Variants in RBFOX1 observed in about 807,000 individuals in gnomAD.
The protein encoded by RBFOX1 is RNA binding protein fox-1 homolog 1.
RBFOX1 carries 8 observed loss-of-function variants against 57.7 expected under a neutral mutation model. The ratio of observed to expected loss-of-function variants is 0.14; its 90% CI spans 0.08 to 0.25. The LOEUF (loss-of-function observed/expected upper bound fraction) is 0.25. Among genes scored for constraint, RBFOX1 ranks in the 10% least tolerant of loss-of-function variants. The probability of loss-of-function intolerance (pLI) is 1.00; values close to 1 mark genes in which losing one functional copy is unlikely to be tolerated. For synonymous variants in RBFOX1, 326 were observed against 222.4 expected (o/e 1.47, Z -4.15); for missense variants, 611 against 548.5 (o/e 1.11, Z -1.14).
At chr16:6,864,200 C>A (rs1169248386) in intron 3 of RBFOX1, among the ~76,000 whole-genome samples, 3 of 152,104 alleles carry the variant, frequency 2.0e-5, no homozygotes, top group African/African-American at 7.2e-5. Context: ...AAATAATTCA[C>A]TTTTTTCTTC....
At chr16:6,601,510 G>A (rs1264691253) in intron 2 of RBFOX1, among the ~76,000 whole-genome samples, 2 of 152,124 alleles carry the variant, frequency 1.3e-5, no homozygotes, top group South Asian at 2.1e-4. Flanking sequence ...ACCAGCGTAA[G>A]GATCCTGGAC....
intron 3 of RBFOX1, among the ~76,000 whole-genome samples, chr16:5,806,264 T>G (rs1385756000): frequency 6.6e-6 from 1 of 152,200 alleles, no homozygotes; most frequent in Non-Finnish European, 1.5e-5. Context: ...TGACAATTTA[T>G]TTTCTCACAG....
Position 6,073,342 on chromosome 16 carries a change from C to A in RBFOX1, c.-127+53350C>A, listed in dbSNP as rs544857463. 7.2e-5 allele frequency among the ~76,000 whole-genome samples: 11 copies of A among 152,256 alleles called. No homozygotes were observed. In the South Asian group the frequency reaches 1.9e-3, roughly 26 times the overall value. On this transcript the variant is annotated intron_variant, in intron 1 of 15. Coordinates refer to ENST00000550418, the MANE Select transcript of RBFOX1 (RefSeq NM_018723.4). ...ATTTTTGCACCAACCTAATAAAATT[C>A]TCTCTTGTATCTGGGATGGGTCATG...
chr16:5,901,915 G>A (rs1253912147), intron 4 of RBFOX1, among the ~76,000 whole-genome samples: 1 of 152,084 alleles, frequency 6.6e-6, no homozygotes, highest in Non-Finnish European at 1.5e-5. Context: ...CCTTTTGGAA[G>A]CCTTCTTTGG....
intron 4 of RBFOX1, among the ~76,000 whole-genome samples, chr16:7,446,853 C>T (rs142249373): frequency 1.1e-4 from 14 of 130,692 alleles, no homozygotes; most frequent in Admixed American, 8.7e-4. Context: ...CACTCTGTCA[C>T]CCAGGCTGCA....
chr16:5,450,236 C>G (rs1459724178), intron 1 of RBFOX1, among the ~76,000 whole-genome samples: 1 of 152,202 alleles, frequency 6.6e-6, no homozygotes, highest in African/African-American at 2.4e-5. Context: ...CCTCCTGACA[C>G]ATTCCACCTT....
intron 3 of RBFOX1, among the ~76,000 whole-genome samples, chr16:5,607,888 G>C (rs1422154090): frequency 6.6e-6 from 1 of 152,184 alleles, no homozygotes; most frequent in Non-Finnish European, 1.5e-5. Flanking sequence ...TGGCTGGACA[G>C]GATTTCATTG....
At chr16:7,128,001 A>G (rs112889560) in intron 4 of RBFOX1, among the ~76,000 whole-genome samples, 3 of 152,276 alleles carry the variant, frequency 2.0e-5, no homozygotes, top group African/African-American at 4.8e-5. Flanking sequence ...ACGGTTTGAA[A>G]TCTGGTTCTT....
rs181434876 is a variant in RBFOX1, at chr16:6,959,853, C to G, written c.-15-92204C>G. ...TCGGGAGGCTGAGGCAGGAGAATCG[C>G]TTGAACCTAGGAGGCGGACATGTAG... On this transcript the variant is annotated intron_variant, in intron 3 of 15. Transcript: ENST00000550418. Among the ~76,000 whole-genome samples, 9 of 152,232 alleles carry G rather than the reference C, an allele frequency of 5.9e-5. No individual in the cohort carries two copies. In the East Asian group the frequency reaches 1.7e-3, roughly 29 times the overall value.
chr16:5,746,078 C>T (rs143340377), intron 3 of RBFOX1, among the ~76,000 whole-genome samples: 21 of 152,306 alleles, frequency 1.4e-4, no homozygotes, highest in African/African-American at 4.8e-4. Flanking sequence ...TTAGGTCTAA[C>T]ATTTAAGTCT....
chr16:6,938,148 G>A (rs182066013), intron 3 of RBFOX1, among the ~76,000 whole-genome samples: 1 of 152,078 alleles, frequency 6.6e-6, no homozygotes, highest in African/African-American at 2.4e-5. Context: ...AACTATTCAA[G>A]TTCATTGTTT....
At chr16:7,323,568 G>A (rs1568209525) in intron 4 of RBFOX1, among the ~76,000 whole-genome samples, 2 of 152,210 alleles carry the variant, frequency 1.3e-5, no homozygotes, top group Non-Finnish European at 2.9e-5. Flanking sequence ...TCAGTTCATG[G>A]GGATAGCTCT....
chr16:5,741,321 A>G (rs1315864012), intron 3 of RBFOX1, among the ~76,000 whole-genome samples: 1 of 152,214 alleles, frequency 6.6e-6, no homozygotes, highest in Non-Finnish European at 1.5e-5. Flanking sequence ...TCCAAGGACC[A>G]TTCCCAAGGC....
chr16:6,631,320 A>G (rs1222764066), intron 2 of RBFOX1, among the ~76,000 whole-genome samples: 1 of 152,136 alleles, frequency 6.6e-6, no homozygotes. Flanking sequence ...ATGCATTTTA[A>G]TGCATATTTA....
intron 1 of RBFOX1, among the ~76,000 whole-genome samples, chr16:6,091,529 CA>C (rs111966281): frequency 2.6e-5 from 4 of 151,818 alleles, no homozygotes; most frequent in Non-Finnish European, 2.9e-5. Flanking sequence ...GGTAGGTATT[CA>C]AAAAAAACAT....
At chr16:7,498,838 C>G (rs112356628) in intron 4 of RBFOX1, among the ~76,000 whole-genome samples, 1 of 152,158 alleles carries the variant, frequency 6.6e-6, no homozygotes, top group African/African-American at 2.4e-5. Context: ...ATCTGCTTCA[C>G]AGAGAGCAAA....
At position 6,843,096 on chromosome 16, in the gene RBFOX1, A is replaced by T. The variant is rs906055397; in HGVS notation, c.-16+188446A>T. Among the ~76,000 whole-genome samples, 5 of 152,078 alleles carry T rather than the reference A, an allele frequency of 3.3e-5. No individual in the cohort carries two copies. In the East Asian group the frequency reaches 9.7e-4, roughly 29 times the overall value. On this transcript the variant is annotated intron_variant, in intron 3 of 15. Transcript: ENST00000550418. ...ATTTGGGTTGGTTCCAAGATTTACT[A>T]TTGTAAATAGGTTGTTTCTTATTGT...
intron 4 of RBFOX1, among the ~76,000 whole-genome samples, chr16:7,173,519 T>G (rs1215219354): frequency 6.6e-6 from 1 of 152,216 alleles, no homozygotes; most frequent in African/African-American, 2.4e-5. Flanking sequence ...GAAGTCATTT[T>G]GTCTCATTCC....
intron 1 of RBFOX1, among the ~76,000 whole-genome samples, chr16:6,133,711 G>T (rs955863772): frequency 1.3e-5 from 2 of 152,036 alleles, no homozygotes; most frequent in African/African-American, 4.8e-5. Flanking sequence ...TCCTCACCTT[G>T]CTCACACCTG....
Sources: allele counts gnomAD v4.1 joint callset (sites outside exome capture counted in the v4.1 genomes callset), GRCh38; gene constraint gnomAD v4.1.1; transcripts MANE v1.5; gene names NCBI Gene and HGNC (gene_info 2026-07-23, HGNC 2026-07-21).